The following ITGBL1 variants were observed in gnomAD, a reference collection of about 807,000 sequenced individuals.
ITGBL1 encodes the protein integrin subunit beta like 1.
Under a neutral mutation model 68.5 loss-of-function variants are expected in ITGBL1, and 51 were observed. That is an observed-to-expected ratio of 0.74 (90% confidence interval 0.59 to 0.94). The LOEUF is 0.94. Ranked by LOEUF, ITGBL1 falls within the 40% of genes least tolerant of loss-of-function variation. The pLI, the probability that ITGBL1 is intolerant of heterozygous loss-of-function variation, is 0.00. For synonymous variants in ITGBL1, 209 were observed against 227.3 expected, an observed-to-expected ratio of 0.92 and a Z score of 0.72; for missense variants, 649 against 647.4, an observed-to-expected ratio of 1.00 and a Z score of -0.03.
intron 7 of ITGBL1, among the ~76,000 whole-genome samples, chr13:101,653,507 G>A (rs1473218866): frequency 6.6e-6 from 1 of 152,140 alleles, no homozygotes; most frequent in African/African-American, 2.4e-5. Context: ...ACAAATATAT[G>A]TTAGGTACAT....
chr13:101,499,511 TCTC>T (rs2048907982), intron 2 of ITGBL1, among the ~76,000 whole-genome samples: 1 of 152,202 alleles, frequency 6.6e-6, no homozygotes, highest in Admixed American at 6.5e-5. Context: ...CAGATATTCT[TCTC>T]CTTAAGTTCG....
At chr13:101,470,957 A>C (rs1031285308) in intron 2 of ITGBL1, among the ~76,000 whole-genome samples, 1 of 152,210 alleles carries the variant, frequency 6.6e-6, no homozygotes, top group Non-Finnish European at 1.5e-5. Context: ...AAAAAGATTA[A>C]ATAAAATGTT....
At chr13:101,659,821 G>C (rs1437460701) in intron 7 of ITGBL1, among the ~76,000 whole-genome samples, 4 of 152,148 alleles carry the variant, frequency 2.6e-5, no homozygotes. Context: ...GTGTGTAGGA[G>C]TGCAGATGCC....
chr13:101,673,594 C>T (rs552087257), intron 7 of ITGBL1, among the ~76,000 whole-genome samples: 4 of 152,300 alleles, frequency 2.6e-5, no homozygotes, highest in Admixed American at 2.0e-4. Context: ...TTGGCTGATT[C>T]AGTCAGTTGC....
chr13:101,516,408 C>T (rs1202510763), intron 2 of ITGBL1, among the ~76,000 whole-genome samples: 1 of 152,118 alleles, frequency 6.6e-6, no homozygotes, highest in East Asian at 1.9e-4. Context: ...TATTCAGAAT[C>T]ACATAGTAAC....
chr13:101,650,287 T>G (rs1317730391), intron 7 of ITGBL1, among the ~76,000 whole-genome samples: 1 of 152,224 alleles, frequency 6.6e-6, no homozygotes, highest in Non-Finnish European at 1.5e-5. Context: ...TAAGTTAGTT[T>G]GTGTTTAAAT....
At chr13:101,564,296 G>A (rs1488780024) in intron 2 of ITGBL1, among the ~76,000 whole-genome samples, 1 of 151,886 alleles carries the variant, frequency 6.6e-6, no homozygotes, top group Non-Finnish European at 1.5e-5. Context: ...TAAGCCTAGA[G>A]TTAGGCAAAG....
At chr13:101,492,197 A>G (rs867749800) in intron 2 of ITGBL1, among the ~76,000 whole-genome samples, 1 of 152,192 alleles carries the variant, frequency 6.6e-6, no homozygotes, top group South Asian at 2.1e-4. Context: ...TAGTTCAACC[A>G]TTGTGGAAGA....
chr13:101,457,429 T>C (rs1409623165), intron 2 of ITGBL1, among the ~76,000 whole-genome samples: 1 of 152,236 alleles, frequency 6.6e-6, no homozygotes, highest in Non-Finnish European at 1.5e-5. Flanking sequence ...ATTATTATAC[T>C]GTGAATCATA....
intron 2 of ITGBL1, among the ~76,000 whole-genome samples, chr13:101,482,344 T>C (rs1304455526): frequency 6.6e-6 from 1 of 151,862 alleles, no homozygotes; most frequent in Non-Finnish European, 1.5e-5. Flanking sequence ...TAGGTTTTTT[T>C]TTTTTACTAT....
At chr13:101,488,404 A>G (rs1008030415) in intron 2 of ITGBL1, among the ~76,000 whole-genome samples, 1 of 152,184 alleles carries the variant, frequency 6.6e-6, no homozygotes, top group African/African-American at 2.4e-5. Context: ...GGATTAAGGC[A>G]TATGCCTGCT....
rs560556254 is a variant in ITGBL1 at position 101,479,064 on chromosome 13, CAG to C, written c.316+24967_316+24968del. On this transcript the variant is annotated intron_variant, in intron 2 of 10. Transcript: ENST00000376180. ...TATTACCTGACTTCAAATTATAACA[CAG>C]AGCTATAGTAACCCAAATAGTATAG... Among the ~76,000 whole-genome samples, 33 of 152,136 alleles carry C rather than the reference CAG, an allele frequency of 2.2e-4. 1 individual carries two copies. The South Asian group carries it at 6.0e-3, about 28-fold the overall frequency.
intron 7 of ITGBL1, among the ~76,000 whole-genome samples, chr13:101,610,862 T>A (rs1167825038): frequency 1.3e-5 from 2 of 152,146 alleles, no homozygotes; most frequent in African/African-American, 2.4e-5. Context: ...TCAATTTGTG[T>A]GCAAATATGG....
chr13:101,560,218 T>C (rs190746788), intron 2 of ITGBL1, among the ~76,000 whole-genome samples: 29 of 152,316 alleles, frequency 1.9e-4, no homozygotes, highest in African/African-American at 7.0e-4. Flanking sequence ...GAATCTATGG[T>C]GGCTCAAAAA....
chr13:101,463,826 G>A (rs75259076), intron 2 of ITGBL1, among the ~76,000 whole-genome samples: 3,647 of 151,256 alleles, frequency 0.024, 142 homozygotes, highest in African/African-American at 0.081. Context: ...ATTACTGAAT[G>A]TTGTGGAGAC....
chr13:101,531,888 A>G (rs1355662915), intron 2 of ITGBL1, among the ~76,000 whole-genome samples: 2 of 151,702 alleles, frequency 1.3e-5, no homozygotes, highest in Middle Eastern at 3.4e-3. Context: ...CGCCTGCCAC[A>G]GGCCTGGCTA....
chr13:101,656,052 G>A lies in ITGBL1; in HGVS notation c.1016-36533G>A, dbSNP rs562926022. ...AGAAAGGTGGCACAACTCAAAACGAGGTGGGGGAGGGGGGCTTCCTCGCTA... is the reference window on the plus strand; with the variant it reads ...AGAAAGGTGGCACAACTCAAAACGAAGTGGGGGAGGGGGGCTTCCTCGCTA... On this transcript the variant is annotated intron_variant, in intron 7 of 10. Transcript: ENST00000376180. 2.1e-4 allele frequency among the ~76,000 whole-genome samples: 32 copies of A among 152,220 alleles called. 1 individual carries two copies. In the South Asian group the frequency reaches 6.2e-3, roughly 30 times the overall value.
chr13:101,707,405 A>G (rs958639215), intron 9 of ITGBL1, among the ~76,000 whole-genome samples: 9 of 152,122 alleles, frequency 5.9e-5, no homozygotes, highest in Non-Finnish European at 1.5e-5. Flanking sequence ...GAGACAAAAT[A>G]TTTAATTTAG....
intron 2 of ITGBL1, among the ~76,000 whole-genome samples, chr13:101,470,962 A>T (rs1186874116): frequency 6.6e-6 from 1 of 152,186 alleles, no homozygotes; most frequent in Non-Finnish European, 1.5e-5. Context: ...GATTAAATAA[A>T]ATGTTTAAGA....
Sources: gnomAD v4.1 joint callset for allele counts (sites outside exome capture counted in the v4.1 genomes callset) on GRCh38, gnomAD v4.1.1 for gene constraint, MANE v1.5 for transcripts, NCBI Gene and HGNC (gene_info 2026-07-23, HGNC 2026-07-21) for gene names.